FNDC1: variants seen among roughly 807,000 people sequenced by gnomAD.
FNDC1 encodes the protein fibronectin type III domain containing 1, also known as fibronectin type III domain-containing protein 1.
FNDC1 carries 96 observed loss-of-function variants against 168.0 expected under a neutral mutation model. The ratio of observed to expected loss-of-function variants is 0.57; its 90% CI spans 0.48 to 0.68. FNDC1 has a LOEUF of 0.68. FNDC1 is among the 30% of genes least tolerant of loss of function. FNDC1 has a pLI of 0.00. For synonymous variants in FNDC1, 1,099 were observed against 1,025.9 expected, an observed-to-expected ratio of 1.07 and a Z score of -1.36; for missense variants, 2,587 against 2,482.1, an observed-to-expected ratio of 1.04 and a Z score of -0.90.
At chr6:159,179,929 C>T (rs1781844880) in intron 1 of FNDC1, among the ~76,000 whole-genome samples, 1 of 152,168 alleles carries the variant, frequency 6.6e-6, no homozygotes, top group Non-Finnish European at 1.5e-5. Context: ...TGCTTCCCTC[C>T]CAGCCTAACT....
In FNDC1 at chr6:159,251,251, C is replaced by A. The variant is rs1401838412; in HGVS notation, c.4835-51C>A. The A allele has an allele frequency of 3.6e-6, 5 of 1,387,550 alleles. No homozygotes were observed. The African/African-American group carries it at 4.3e-5, about 12-fold the overall frequency. 86.0% of individuals were successfully genotyped at this position (1,387,550 alleles called of 1,614,324 possible). ...TGTGGAACAGATGCTATGTTTCTGC[C>A]TCCAGAAAAAGCCTCCAGCAATCCA... is the stretch of plus-strand genomic sequence containing the variant. On this transcript the variant is annotated intron_variant, in intron 16 of 22. Transcript: ENST00000297267.
intron 1 of FNDC1, among the ~76,000 whole-genome samples, chr6:159,184,735 G>A (rs1156796244): frequency 6.6e-6 from 1 of 152,140 alleles, no homozygotes; most frequent in African/African-American, 2.4e-5. Flanking sequence ...AAATTTTCAG[G>A]GAGTGGTTTT....
chr6:159,215,685 TGAG>T (rs1231364582), intron 5 of FNDC1, among the ~76,000 whole-genome samples: 1 of 152,184 alleles, frequency 6.6e-6, no homozygotes, highest in African/African-American at 2.4e-5. Context: ...ATCTGCAGGC[TGAG>T]GAGTAAGGAG....
At position 159,177,863 on chromosome 6, in the gene FNDC1, T is replaced by C. The variant is rs533624256; in HGVS notation, c.109+8158T>C. On this transcript the variant is annotated intron_variant, in intron 1 of 22. Coordinates refer to ENST00000297267, the MANE Select transcript of FNDC1 (RefSeq NM_032532.3). ...GATCATTTCTTATGGCCAATTCTGG[T>C]GTGCCCATTCCCCCGCAGACATAAA... is the stretch of plus-strand genomic sequence containing the variant. Among the ~76,000 whole-genome samples, 33 of 152,314 alleles carry C rather than the reference T, an allele frequency of 2.2e-4. No individual in the cohort carries two copies. The South Asian group carries it at 6.0e-3, about 28-fold the overall frequency.
chr6:159,234,522 G>C lies in FNDC1; in HGVS notation c.3967+43G>C, dbSNP rs200568284. 3 of 1,591,176 alleles carry C rather than the reference G, an allele frequency of 1.9e-6. No individual in the cohort carries two copies. The African/African-American group carries it at 4.0e-5, about 21-fold the overall frequency. On this transcript the variant is annotated intron_variant, in intron 11 of 22. Coordinates refer to ENST00000297267, the MANE Select transcript of FNDC1 (RefSeq NM_032532.3). ...ACAGTCTTTCTTTAAGGTGTTCAGT[G>C]GTGTTCATGGCAATGCCTAAGAAGT... is the stretch of plus-strand genomic sequence containing the variant.
In FNDC1 at chr6:159,261,155, T is replaced by C. The variant is rs374076899; in HGVS notation, c.5175-35T>C. The stretch of plus-strand genomic sequence containing the variant: ...TTTTGTTACACAGAAATCAAATACA[T>C]GTCTCTTTCAAAATATATCTTCTTC... On this transcript the variant is annotated intron_variant, in intron 18 of 22. Transcript: ENST00000297267. The C allele has an allele frequency of 3.3e-6, 5 of 1,508,332 alleles. No individual in the cohort carries two copies. In the African/African-American group the frequency reaches 4.1e-5, roughly 12 times the overall value. 93.4% of individuals were successfully genotyped at this position (1,508,332 alleles called of 1,614,324 possible).
chr6:159,269,601 ATCTATCTATC>A (rs1562316267), intron 22 of FNDC1, among the ~76,000 whole-genome samples: 2 of 17,810 alleles, frequency 1.1e-4, no homozygotes, highest in African/African-American at 1.8e-4. Flanking sequence ...CTGTCTGTCT[ATCTATCTATC>A]TATCTATCTA....
chr6:159,175,782 A>G (rs944848430), intron 1 of FNDC1, among the ~76,000 whole-genome samples: 6 of 151,782 alleles, frequency 4.0e-5, no homozygotes, highest in African/African-American at 1.5e-4. Flanking sequence ...ACTCTTTGCT[A>G]CTCTCTGTGA....
At position 159,238,591 on chromosome 6, in the gene FNDC1, A is replaced by G. The variant is rs751073558; in HGVS notation, c.4106A>G (p.Glu1369Gly). Reference protein sequence around the residue: ...DLDRGLVLNAEGRYLQDSHGN... With the variant: ...DLDRGLVLNAGGRYLQDSHGN... ...GATCGTGGGTTAGTATTGAATGCAG[A>G]AGGAAGGTACCTCCAAGATTCACAT... Residue 1369 changes from glutamate (E) to glycine (G), a missense_variant, in exon 13 of 23, where the codon GAA becomes GGA. By Grantham distance (98) the Glu-to-Gly change is moderately conservative. Coordinates refer to ENST00000297267, the MANE Select transcript of FNDC1 (RefSeq NM_032532.3). The G allele has an allele frequency of 3.1e-6, 5 of 1,612,128 alleles. No homozygotes were observed. In the Admixed American group the frequency reaches 6.7e-5, roughly 22 times the overall value.
At chr6:159,234,535 A>G (rs1282962596) in intron 11 of FNDC1, 56 bp downstream of exon 11, 3 of 1,546,108 alleles carry the variant, frequency 1.9e-6, no homozygotes, top group Non-Finnish European at 2.7e-6. Context: ...GTTCATGGCA[A>G]TGCCTAAGAA....
intron 22 of FNDC1, among the ~76,000 whole-genome samples, chr6:159,270,153 G>A (rs1777711604): frequency 6.6e-6 from 1 of 152,294 alleles, no homozygotes; most frequent in Admixed American, 6.5e-5. Context: ...GTGACCTAGT[G>A]ATCTAGAGGT....
intron 17 of FNDC1, among the ~76,000 whole-genome samples, chr6:159,255,748 T>C (rs761619096): frequency 5.3e-5 from 8 of 152,216 alleles, no homozygotes; most frequent in Non-Finnish European, 1.2e-4. Flanking sequence ...CTAGCTGGCA[T>C]AATGTTTGGC....
rs893924278 is a variant in FNDC1, at chr6:159,233,787, G to A, written c.3275G>A (p.Arg1092Gln). 4 of 1,539,648 alleles carry A rather than the reference G, an allele frequency of 2.6e-6. No individual in the cohort carries two copies. Among genetic ancestry groups the A allele is most frequent in the Non-Finnish European group, 3.5e-6 (4 of 1,142,080 alleles). ...ACAGAAGTCGAGGCCCAGGATGTGC[G>A]GGCCCCCGCGCACGCCGCGCGCGCC... ...DSTEVEAQDV[R>Q]APAHAARAKE... Residue 1092 changes from arginine to glutamine, a missense_variant, in exon 11 of 23, where the codon CGG becomes CAG. Physicochemically the swap from Arg to Gln is conservative, Grantham distance 43. Coordinates refer to ENST00000297267, the MANE Select transcript of FNDC1 (RefSeq NM_032532.3). The surrounding 1 kb of genome is among the most constrained non-coding windows in gnomAD (Gnocchi z 4.6).
chr6:159,240,289 T>C (rs888932020), intron 14 of FNDC1, among the ~76,000 whole-genome samples: 2 of 152,228 alleles, frequency 1.3e-5, no homozygotes, highest in South Asian at 2.1e-4. Context: ...CTTGTGACAT[T>C]ATTTGTTTGG....
rs1230497387 is a variant in FNDC1, at chr6:159,233,880, G to A, written c.3368G>A (p.Gly1123Asp). 1.3e-6 allele frequency: 2 copies of A among 1,547,484 alleles called. No homozygotes were observed. Among genetic ancestry groups the A allele is most frequent in the Admixed American group, 2.0e-5 (1 of 50,838 alleles). The stretch of plus-strand genomic sequence containing the variant: ...TCTCCCACAGGCGCAGGGGCAGGTG[G>A]CGACCACAGGTCCCAGCGCGGACAT... ...VESPTGAGAG[G>D]DHRSQRGHAA... The change falls in exon 11 of 23, where the codon GGC becomes GAC. Residue 1123 changes from glycine (G) to aspartate (D), a missense_variant. By Grantham distance (94) the Gly-to-Asp change is moderately conservative. Coordinates refer to ENST00000297267, the MANE Select transcript of FNDC1 (RefSeq NM_032532.3). The surrounding 1 kb of genome is among the most constrained non-coding windows in gnomAD (Gnocchi z 4.6).
rs140043057 is a variant in FNDC1, at chr6:159,198,600, A to T, written c.304+975A>T. 5.1e-3 allele frequency among the ~76,000 whole-genome samples: 780 copies of T among 152,322 alleles called. 3 individuals are homozygous for T. The highest frequency in any genetic ancestry group is 8.4e-3 in the Non-Finnish European group (572 of 68,030). ...AGTCCAGCTGTGAAGTTAAATGGAG[A>T]TTCTATCAGATCAAAGGCGTGAGCA... On this transcript the variant is annotated intron_variant, in intron 2 of 22. Transcript: ENST00000297267.
chr6:159,232,038 T>C lies in FNDC1; in HGVS notation c.1526T>C (p.Leu509Ser), dbSNP rs1344693201. ...GRNAKDLLLD[L>S]KNKILANGGA... ...AATGCCAAGGACCTTCTTCTTGACT[T>C]GAAGAACAAAATATTGGCTAATGGT... is the stretch of plus-strand genomic sequence containing the variant. Residue 509 changes from leucine (L) to serine (S), a missense_variant, in exon 11 of 23, where the codon TTG (leucine) becomes TCG (serine). Coordinates refer to ENST00000297267, the MANE Select transcript of FNDC1 (RefSeq NM_032532.3). The surrounding 1 kb of genome is among the most constrained non-coding windows in gnomAD (Gnocchi z 4.9). 1 of 1,613,844 alleles carries C rather than the reference T, an allele frequency of 6.2e-7. No individual in the cohort carries two copies. Among genetic ancestry groups the C allele is most frequent in the Non-Finnish European group, 8.5e-7 (1 of 1,179,862 alleles).
intron 6 of FNDC1, among the ~76,000 whole-genome samples, chr6:159,223,248 G>T (rs866225813): frequency 3.3e-5 from 5 of 152,006 alleles, no homozygotes; most frequent in Non-Finnish European, 2.9e-5. Context: ...TGCCCGCCTC[G>T]GCCTCCCAAA....
intron 1 of FNDC1, among the ~76,000 whole-genome samples, chr6:159,189,768 CT>C (rs1204916932): frequency 6.6e-6 from 1 of 152,312 alleles, no homozygotes; most frequent in East Asian, 1.9e-4. Flanking sequence ...GACAGCACTA[CT>C]TTTGGACTTT....
Sources: allele counts gnomAD v4.1 joint callset (sites outside exome capture counted in the v4.1 genomes callset), GRCh38; gene constraint gnomAD v4.1.1; non-coding constraint Gnocchi (gnomAD v3.1); transcripts MANE v1.5; gene names NCBI Gene and HGNC (gene_info 2026-07-23, HGNC 2026-07-21).